Variants in FHIP1A observed in about 807,000 individuals in gnomAD.
The protein encoded by FHIP1A is FHF complex subunit HOOK-interacting protein 1A.
FHIP1A carries 61 observed loss-of-function variants against 88.6 expected under a neutral mutation model. The ratio of observed to expected loss-of-function variants is 0.69; its 90% CI spans 0.56 to 0.85. The LOEUF (loss-of-function observed/expected upper bound fraction) is 0.85, where lower values mean the gene tolerates loss of function less well. FHIP1A is among the 40% of genes least tolerant of loss of function. The probability of loss-of-function intolerance (pLI) is 0.00; values close to 1 mark genes in which losing one functional copy is unlikely to be tolerated. For missense variants in FHIP1A, 1,154 were observed against 1,273.5 expected (o/e 0.91, Z 1.43); for synonymous variants, 478 against 496.0 (o/e 0.96, Z 0.48).
At chr4:151,512,497 C>G (rs557960882) in intron 3 of FHIP1A, among the ~76,000 whole-genome samples, 109 of 152,136 alleles carry the variant, frequency 7.2e-4, no homozygotes, top group Non-Finnish European at 1.2e-3. Context: ...GATGATCAAA[C>G]TACTCCGAGC....
intron 3 of FHIP1A, among the ~76,000 whole-genome samples, chr4:151,562,440 C>T (rs1733209132): frequency 6.6e-6 from 1 of 152,124 alleles, no homozygotes; most frequent in Non-Finnish European, 1.5e-5. Context: ...CCTTTTGCTC[C>T]ATCAAAAATC....
intron 13 of FHIP1A, among the ~76,000 whole-genome samples, chr4:151,659,324 C>G (rs1737366425): frequency 6.6e-6 from 1 of 152,168 alleles, no homozygotes; most frequent in Non-Finnish European, 1.5e-5. Flanking sequence ...AGTTTCCTGT[C>G]CCCTTGTACA....
At chr4:151,582,241 AGAC>A (rs756198669) in intron 5 of FHIP1A, among the ~76,000 whole-genome samples, 43 of 152,202 alleles carry the variant, frequency 2.8e-4, no homozygotes, top group Non-Finnish European at 5.0e-4. Context: ...TGCGAGCTTC[AGAC>A]TAAAGCCATC....
chr4:151,520,455 T>C (rs543746979), intron 3 of FHIP1A, among the ~76,000 whole-genome samples: 1 of 152,292 alleles, frequency 6.6e-6, no homozygotes, highest in East Asian at 1.9e-4. Context: ...AGTGGTATAT[T>C]CTATGAATGT....
At chr4:151,515,464 C>G (rs1372265812) in intron 3 of FHIP1A, among the ~76,000 whole-genome samples, 1 of 151,858 alleles carries the variant, frequency 6.6e-6, no homozygotes, top group African/African-American at 2.4e-5. Flanking sequence ...GGCAATTAGG[C>G]AGGAGAAGGA....
chr4:151,450,253 C>T (rs1313495465), intron 1 of FHIP1A, among the ~76,000 whole-genome samples: 2 of 149,668 alleles, frequency 1.3e-5, no homozygotes, highest in East Asian at 3.9e-4. Context: ...CTAGCCTCAG[C>T]CTAATAGTTT....
intron 3 of FHIP1A, among the ~76,000 whole-genome samples, chr4:151,532,773 G>A (rs1245431916): frequency 6.6e-6 from 1 of 152,170 alleles, no homozygotes; most frequent in African/African-American, 2.4e-5. Context: ...ACATGGCTGG[G>A]GAGGCCTTAG....
chr4:151,534,345 G>A (rs6826318), intron 3 of FHIP1A, among the ~76,000 whole-genome samples: 28,712 of 152,094 alleles, frequency 0.19, 3,977 homozygotes, highest in African/African-American at 0.39. Context: ...TAATATGTCC[G>A]TGGAGGCACA....
chr4:151,493,056 A>G (rs2126650247), intron 3 of FHIP1A, among the ~76,000 whole-genome samples: 1 of 152,344 alleles, frequency 6.6e-6, no homozygotes, highest in East Asian at 1.9e-4. Flanking sequence ...ATTATTTAAA[A>G]AGATAAACAA....
intron 3 of FHIP1A, among the ~76,000 whole-genome samples, chr4:151,545,025 T>C (rs764040137): frequency 1.3e-4 from 20 of 152,166 alleles, no homozygotes; most frequent in Non-Finnish European, 2.6e-4. Context: ...TAGTGAGCTG[T>C]GATCATGCCA....
chr4:151,470,371 A>G (rs1729465600), intron 2 of FHIP1A, among the ~76,000 whole-genome samples: 1 of 152,220 alleles, frequency 6.6e-6, no homozygotes, highest in Admixed American at 6.5e-5. Flanking sequence ...CATTTTCCAA[A>G]AGGAATATTC....
At chr4:151,454,982 G>C (rs1032201648) in intron 2 of FHIP1A, among the ~76,000 whole-genome samples, 174 bp downstream of exon 2, 1 of 152,012 alleles carries the variant, frequency 6.6e-6, no homozygotes, top group Non-Finnish European at 1.5e-5. Context: ...ACTGTGGTTT[G>C]GAACAGAGAT....
chr4:151,660,035 T>C (rs1351385491), intron 13 of FHIP1A, among the ~76,000 whole-genome samples: 1 of 152,176 alleles, frequency 6.6e-6, no homozygotes, highest in Non-Finnish European at 1.5e-5. Flanking sequence ...AGAAGGGAGA[T>C]CAGGTAGGTA....
At chr4:151,578,668 A>T (rs1733906153) in intron 5 of FHIP1A, among the ~76,000 whole-genome samples, 1 of 152,204 alleles carries the variant, frequency 6.6e-6, no homozygotes, top group East Asian at 1.9e-4. Context: ...TGGTACACTT[A>T]CTTTGGAAGA....
chr4:151,478,355 T>G (rs1729782288), intron 2 of FHIP1A, among the ~76,000 whole-genome samples: 1 of 152,184 alleles, frequency 6.6e-6, no homozygotes, highest in Non-Finnish European at 1.5e-5. Context: ...TAGCCTCATT[T>G]CAAAAAAAAT....
intron 1 of FHIP1A, among the ~76,000 whole-genome samples, chr4:151,452,955 T>TACACAC (rs374067458): frequency 0.088 from 12,951 of 147,774 alleles, 739 homozygotes; most frequent in Middle Eastern, 0.16. Context: ...TATATATACA[T>TACACAC]ACACACACAC....
At chr4:151,430,216 C>A (rs1287371470) in intron 1 of FHIP1A, among the ~76,000 whole-genome samples, 1 of 152,174 alleles carries the variant, frequency 6.6e-6, no homozygotes, top group African/African-American at 2.4e-5. Context: ...AAGTCATTCA[C>A]TTCATCTTTG....
At chr4:151,535,959 A>T (rs967329343) in intron 3 of FHIP1A, among the ~76,000 whole-genome samples, 1 of 152,194 alleles carries the variant, frequency 6.6e-6, no homozygotes, top group African/African-American at 2.4e-5. Flanking sequence ...CGTTACAGTT[A>T]ATACTCTAAA....
At chr4:151,618,042 A>C (rs1261120300) in intron 7 of FHIP1A, among the ~76,000 whole-genome samples, 1 of 152,190 alleles carries the variant, frequency 6.6e-6, no homozygotes, top group Non-Finnish European at 1.5e-5. Context: ...TCATCAAATG[A>C]GCTTTATCTG....
Sources: gnomAD v4.1 joint callset for allele counts (sites outside exome capture counted in the v4.1 genomes callset) on GRCh38, gnomAD v4.1.1 for gene constraint, MANE v1.5 for transcripts, NCBI Gene and HGNC (gene_info 2026-07-23, HGNC 2026-07-21) for gene names.